Variants in KDM6B observed in about 807,000 individuals in gnomAD.
KDM6B encodes the protein lysine-specific demethylase 6B.
A neutral mutation model predicts 150.4 loss-of-function variants in KDM6B; 22 were observed. That is an observed-to-expected ratio of 0.15 (90% CI 0.10 to 0.21). The LOEUF is 0.21. Among genes scored for constraint, KDM6B ranks in the 10% least tolerant of loss-of-function variants. The pLI, the probability that KDM6B is intolerant of heterozygous loss-of-function variation, is 1.00. For missense variants in KDM6B, 1,984 were observed against 2,234.3 expected, an observed-to-expected ratio of 0.89 and a Z score of 2.26; for synonymous variants, 1,148 against 921.1, an observed-to-expected ratio of 1.25 and a Z score of -4.46.
At chr17:7,836,956 C>A (rs992425686) in intron 1 of KDM6B, among the ~76,000 whole-genome samples, 3 of 152,170 alleles carry the variant, frequency 2.0e-5, no homozygotes, top group East Asian at 1.9e-4. Flanking sequence ...AGTCCAGTTC[C>A]AGTCCCGTGC....
Position 7,854,785 on chromosome 17 carries a change from G to T in KDM6B, c.*1264G>T, listed in dbSNP as rs2078778086. On this transcript the variant is annotated 3_prime_UTR_variant, in exon 24 of 24. Transcript: ENST00000448097. ...GAGAATATTAATATTAAAAATAAAC[G>T]GAGAAAAAAAATCCTGTTTCGCTAA... 1 of 398,688 alleles carries T rather than the reference G, an allele frequency of 2.5e-6. No homozygotes were observed. The highest frequency in any genetic ancestry group is 4.6e-6 in the Non-Finnish European group (1 of 219,140). The allele number at this position is 398,688 out of a possible 1,614,324, so 24.7% of individuals were successfully genotyped here.
At position 7,848,046 on chromosome 17, in the gene KDM6B, G is replaced by A. The variant is rs1330549405; in HGVS notation, c.1758G>A (p.Arg586=). Reference sequence around the variant, plus strand: ...CCAGAAGTATAGACCCCCTTCCCCGGCCTCCCAGCCCAGCACAGAACCCCC... The same window carrying A: ...CCAGAAGTATAGACCCCCTTCCCCGACCTCCCAGCCCAGCACAGAACCCCC... ...YLARSIDPLP[R]PPSPAQNPQD... Residue 586 remains arginine, a synonymous_variant, in exon 12 of 24, where the codon CGG becomes CGA. Transcript: ENST00000448097. 1 of 1,608,540 alleles carries A rather than the reference G, an allele frequency of 6.2e-7. No homozygotes were observed. The highest frequency in any genetic ancestry group is 1.7e-5 in the Admixed American group (1 of 59,700).
chr17:7,840,272 C>G (rs1211522831), intron 2 of KDM6B: 2 of 152,270 alleles, frequency 1.3e-5, no homozygotes, highest in African/African-American at 4.8e-5. Context: ...CTTTTCCCCA[C>G]TATCTCCCTA....
chr17:7,853,160 G>T (rs1423631761), intron 22 of KDM6B, 34 bp downstream of exon 22: 1 of 1,614,050 alleles, frequency 6.2e-7, no homozygotes, highest in Non-Finnish European at 8.5e-7. Flanking sequence ...CTCCCTGAGT[G>T]TCCACAGTGG....
In KDM6B at chr17:7,848,210, G is replaced by T; in HGVS notation, c.1922G>T (p.Gly641Val). The change falls in exon 12 of 24, where the codon GGG (glycine) becomes GTG (valine). Residue 641 changes from glycine to valine, a missense_variant. Physicochemically the swap from Gly to Val is moderately radical, Grantham distance 109 (BLOSUM62 -3). This residue lies in a region of KDM6B where 1,379 missense variants were observed against 1,275.6 expected (regional missense o/e 1.08). Transcript: ENST00000448097. ...RVSFPKTPEV[G>V]PGPPPGPLSK... Reference sequence around the variant, plus strand: ...TCCTTCCCAAAGACCCCCGAGGTGGGGCCGGGGCCACCCCCAGGCCCCCTG... The same window carrying T: ...TCCTTCCCAAAGACCCCCGAGGTGGTGCCGGGGCCACCCCCAGGCCCCCTG... 1 of 1,610,530 alleles carries T rather than the reference G, an allele frequency of 6.2e-7. No individual in the cohort carries two copies. Among genetic ancestry groups the T allele is most frequent in the South Asian group, 1.1e-5 (1 of 91,040 alleles).
rs962792623 is a variant in KDM6B, at chr17:7,844,316, C to T, written c.-268-585C>T. The T allele has an allele frequency of 2.0e-5, 3 of 151,956 alleles. No homozygotes were observed. The highest frequency in any genetic ancestry group is 7.3e-5 in the African/African-American group (3 of 41,354). 9.4% of individuals were successfully genotyped at this position (151,956 alleles called of 1,614,324 possible). A position where few individuals can be genotyped will look rare whatever the true frequency, so the allele number is the denominator to read the frequency against. Reference sequence around the variant, plus strand: ...TGGGGGTCGGTCGGTATTGAAGACCCAGAAAGCCAGGGGAAGTAGAGGACC... The same window carrying T: ...TGGGGGTCGGTCGGTATTGAAGACCTAGAAAGCCAGGGGAAGTAGAGGACC... On this transcript the variant is annotated intron_variant, in intron 2 of 23. Coordinates refer to ENST00000448097, the MANE Select transcript of KDM6B (RefSeq NM_001348716.2). The surrounding 1 kb of genome is among the most constrained non-coding windows in gnomAD (Gnocchi z 5.9).
chr17:7,848,625 G>C lies in KDM6B; in HGVS notation c.2337G>C (p.Pro779=). The C allele has an allele frequency of 6.3e-7, 1 of 1,591,948 alleles. No individual in the cohort carries two copies. The highest frequency in any genetic ancestry group is 8.5e-7 in the Non-Finnish European group (1 of 1,170,554). The change falls in exon 12 of 24, where the codon CCG becomes CCC. Residue 779 remains proline (P), a synonymous_variant. Coordinates refer to ENST00000448097, the MANE Select transcript of KDM6B (RefSeq NM_001348716.2). ...CACCACCAGCCCTACCACCACCACC[G>C]CCTCTAGCCAAGTTCCCTCCACCCT... is the stretch of plus-strand genomic sequence containing the variant. ...KKPPPALPPP[P]PLAKFPPPSQ...
At chr17:7,852,920 C>T in intron 21 of KDM6B, 80 bp from the exon 22 acceptor site, 1 of 1,595,990 alleles carries the variant, frequency 6.3e-7, no homozygotes, top group Non-Finnish European at 8.6e-7. Flanking sequence ...CTGGGGCTGC[C>T]CACCCCTCTG....
chr17:7,843,673 C>G lies in KDM6B; in HGVS notation c.-268-1228C>G, dbSNP rs568215229. 6.6e-6 allele frequency among the ~76,000 whole-genome samples: 1 copy of G among 152,286 alleles called. No individual in the cohort carries two copies. The highest frequency in any genetic ancestry group is 1.5e-5 in the Non-Finnish European group (1 of 67,992). On this transcript the variant is annotated intron_variant, in intron 2 of 23. Transcript: ENST00000448097. The surrounding 1 kb of genome is among the most constrained non-coding windows in gnomAD (Gnocchi z 4.5). ...GCTTCCTGCCCGGCGCTCGCTCCAG[C>G]TGGAGCGCTGGCCCCGCCCCCGCGG...
Position 7,839,965 on chromosome 17 carries a change from G to T in KDM6B, c.-328G>T, listed in dbSNP as rs768007354. ...CTGCCCACCCCACCCACTGTGGTCT[G>T]TTGTACCCCACTGCTGGGGTGGTGG... is the stretch of plus-strand genomic sequence containing the variant. On this transcript the variant is annotated 5_prime_UTR_variant, in exon 2 of 24. Coordinates refer to ENST00000448097, the MANE Select transcript of KDM6B (RefSeq NM_001348716.2). The T allele has an allele frequency of 1.3e-5, 2 of 152,618 alleles. No homozygotes were observed. The highest frequency in any genetic ancestry group is 2.9e-5 in the Non-Finnish European group (2 of 68,052). 9.5% of individuals were successfully genotyped at this position (152,618 alleles called of 1,614,324 possible).
rs967804780 is a variant in KDM6B, at chr17:7,843,938, G to C, written c.-268-963G>C. 2.2e-5 allele frequency among the ~76,000 whole-genome samples: 3 copies of C among 137,708 alleles called. No individual in the cohort carries two copies. The highest frequency in any genetic ancestry group is 3.0e-5 in the African/African-American group (1 of 33,010). 90.3% of individuals were successfully genotyped at this position (137,708 alleles called of 152,430 possible). On this transcript the variant is annotated intron_variant, in intron 2 of 23. Coordinates refer to ENST00000448097, the MANE Select transcript of KDM6B (RefSeq NM_001348716.2). The surrounding 1 kb of genome is among the most constrained non-coding windows in gnomAD (Gnocchi z 4.5). The stretch of plus-strand genomic sequence containing the variant: ...CCAGTCGGCACCAAAGCGAAAGGGT[G>C]GGGGGGGCGTGAAGGAGGAAGTGAA...
chr17:7,846,078 G>A lies in KDM6B; in HGVS notation c.237G>A (p.Gly79=), dbSNP rs1253067045. 6.3e-7 allele frequency: 1 copy of A among 1,599,104 alleles called. No homozygotes were observed. The highest frequency in any genetic ancestry group is 8.5e-7 in the Non-Finnish European group (1 of 1,170,906). The change falls in exon 7 of 24, where the codon GGG becomes GGA. Residue 79 remains glycine, a splice_region_variant and synonymous_variant. Transcript: ENST00000448097. ...GHPSKPYYAP[G]APTPRPLHGK... ...CACCCCCACCCCTTCTGCTCTGTAG[G>A]GCGCCCACTCCAAGACCCCTCCATG...
At position 7,846,007 on chromosome 17, in the gene KDM6B, A is replaced by G. The variant is rs746781389; in HGVS notation, c.236+37A>G. 2.5e-6 allele frequency: 4 copies of G among 1,605,620 alleles called. No homozygotes were observed. The African/African-American group carries it at 4.0e-5, about 16-fold the overall frequency. The stretch of plus-strand genomic sequence containing the variant: ...TTTGAAGGTTCTGGGAGTGGGAGGT[A>G]AGGCTGGGGCCTTGAAAGAGTCCCC... On this transcript the variant is annotated intron_variant, in intron 6 of 23. Transcript: ENST00000448097.
chr17:7,845,918 C>A lies in KDM6B; in HGVS notation c.184C>A (p.Pro62Thr). 1.2e-6 allele frequency: 2 copies of A among 1,614,172 alleles called. No individual in the cohort carries two copies. The highest frequency in any genetic ancestry group is 1.7e-6 in the Non-Finnish European group (2 of 1,179,976). ...GQPPLPAPLP[P>T]SHGSSSGHPS... Reference sequence around the variant, plus strand: ...GCCCCCGCTTCCTGCTCCCCTACCCCCTTCACATGGCAGTAGTTCTGGGCA... The same window carrying A: ...GCCCCCGCTTCCTGCTCCCCTACCCACTTCACATGGCAGTAGTTCTGGGCA... Residue 62 changes from proline to threonine, a missense_variant, in exon 6 of 24, where the codon CCT becomes ACT. By Grantham distance (38) the Pro-to-Thr change is conservative. Around this residue, in one of 13 missense-constraint regions of KDM6B, gnomAD observed 337 missense variants for 323.9 expected, o/e 1.04. Transcript: ENST00000448097.
chr17:7,851,470 C>T lies in KDM6B; in HGVS notation c.3945-8C>T. On this transcript the variant is annotated splice_region_variant and splice_polypyrimidine_tract_variant and intron_variant, in intron 16 of 23. Coordinates refer to ENST00000448097, the MANE Select transcript of KDM6B (RefSeq NM_001348716.2). ...CTCTCCACCAACCTGTGCTCTTCGCCCCAGCAGCAGCGCACCAGACCCGAA... is the reference window on the plus strand; with the variant it reads ...CTCTCCACCAACCTGTGCTCTTCGCTCCAGCAGCAGCGCACCAGACCCGAA... 5 of 1,614,180 alleles carry T rather than the reference C, an allele frequency of 3.1e-6. No homozygotes were observed. Among genetic ancestry groups the T allele is most frequent in the Non-Finnish European group, 4.2e-6 (5 of 1,180,038 alleles).
intron 6 of KDM6B, 43 bp downstream of exon 6, chr17:7,846,013 G>A (rs1288478656): frequency 1.2e-5 from 19 of 1,603,838 alleles, no homozygotes; most frequent in Middle Eastern, 1.7e-4. Flanking sequence ...AGGTAAGGCT[G>A]GGGCCTTGAA....
At chr17:7,836,906 A>T (rs2078341437) in intron 1 of KDM6B, among the ~76,000 whole-genome samples, 1 of 152,130 alleles carries the variant, frequency 6.6e-6, no homozygotes, top group Admixed American at 6.5e-5. Flanking sequence ...CCAGGCAATG[A>T]GGCTTCCTCC....
chr17:7,848,573 C>G lies in KDM6B; in HGVS notation c.2285C>G (p.Thr762Arg). 1 of 1,606,064 alleles carries G rather than the reference C, an allele frequency of 6.2e-7. No homozygotes were observed. The highest frequency in any genetic ancestry group is 8.5e-7 in the Non-Finnish European group (1 of 1,177,352). ...ACCACCACCACCACCACCACCACCACGGCCACCCAGGAAGAGGAGAAGAAG... is the reference window on the plus strand; with the variant it reads ...ACCACCACCACCACCACCACCACCAGGGCCACCCAGGAAGAGGAGAAGAAG... ...TTTTTTTTTT[T>R]ATQEEEKKPP... The change falls in exon 12 of 24, where the codon ACG (threonine) becomes AGG (arginine). Residue 762 changes from threonine to arginine, a missense_variant. Thr to Arg is a moderately conservative substitution (Grantham distance 71). Around this residue, in one of 13 missense-constraint regions of KDM6B, gnomAD observed 1,379 missense variants for 1,275.6 expected, o/e 1.08. Coordinates refer to ENST00000448097, the MANE Select transcript of KDM6B (RefSeq NM_001348716.2).
intron 1 of KDM6B, among the ~76,000 whole-genome samples, chr17:7,835,526 C>T (rs1254912462): frequency 6.6e-6 from 1 of 152,032 alleles, no homozygotes; most frequent in African/African-American, 2.4e-5. Flanking sequence ...GTTGCTTGTC[C>T]TGTTGCCAGA....
Sources: gnomAD v4.1 joint callset for allele counts (sites outside exome capture counted in the v4.1 genomes callset) on GRCh38, gnomAD v4.1.1 for gene constraint, gnomAD v4.1.1 regional missense constraint, Gnocchi (gnomAD v3.1) non-coding constraint, MANE v1.5 for transcripts, NCBI Gene and HGNC (gene_info 2026-07-23, HGNC 2026-07-21) for gene names.